The following EPB41L2 variants were observed in gnomAD, a reference collection of about 807,000 sequenced individuals.
EPB41L2 encodes band 4.1-like protein 2.
In EPB41L2, 43 loss-of-function variants were observed where a neutral mutation model predicts 113.0. That is an observed-to-expected ratio of 0.38 (90% CI 0.30 to 0.49). The LOEUF (loss-of-function observed/expected upper bound fraction) is 0.49. EPB41L2 is among the 20% of genes least tolerant of loss of function. The probability of loss-of-function intolerance (pLI) is 0.95; values close to 1 mark genes in which losing one functional copy is unlikely to be tolerated. For missense variants in EPB41L2, 1,147 were observed against 1,223.4 expected, an observed-to-expected ratio of 0.94 and a Z score of 0.93; for synonymous variants, 442 against 436.7, an observed-to-expected ratio of 1.01 and a Z score of -0.15.
intron 8 of EPB41L2, among the ~76,000 whole-genome samples, chr6:130,899,001 C>T (rs1795476636): frequency 6.6e-6 from 1 of 152,022 alleles, no homozygotes; most frequent in Non-Finnish European, 1.5e-5. Flanking sequence ...TTATCTTTCA[C>T]AAAGTACAAA....
chr6:130,984,630 C>T (rs562881484), intron 1 of EPB41L2, among the ~76,000 whole-genome samples: 1 of 152,300 alleles, frequency 6.6e-6, no homozygotes, highest in South Asian at 2.1e-4. Context: ...AAATGAAAAG[C>T]TTTCTCTATA....
intron 1 of EPB41L2, among the ~76,000 whole-genome samples, chr6:131,041,372 A>G (rs1451340998): frequency 6.6e-6 from 1 of 152,212 alleles, no homozygotes; most frequent in East Asian, 1.9e-4. Context: ...AAAAAAGCTT[A>G]ATGGGAAATC....
chr6:131,052,057 C>T (rs369037954), intron 1 of EPB41L2, among the ~76,000 whole-genome samples: 15 of 152,050 alleles, frequency 9.9e-5, no homozygotes, highest in African/African-American at 3.6e-4. Flanking sequence ...CTGCCTCAGC[C>T]TGCCAAGTAG....
Position 130,990,429 on chromosome 6 carries a change from T to C in EPB41L2, c.-14-33930A>G, listed in dbSNP as rs555258348. ...ACGAAGACTAGATGGGAGAAATACA[T>C]AACACATAGCAAGATGGTACTCAAA... is the stretch of plus-strand genomic sequence containing the variant. On this transcript the variant is annotated intron_variant, in intron 1 of 19. Coordinates refer to ENST00000337057, the MANE Select transcript of EPB41L2 (RefSeq NM_001431.4). 1.1e-4 allele frequency among the ~76,000 whole-genome samples: 17 copies of C among 152,126 alleles called. No homozygotes were observed. In the South Asian group the frequency reaches 2.9e-3, roughly 26 times the overall value.
chr6:130,863,503 T>C (rs1272102928), intron 18 of EPB41L2, 135 bp downstream of exon 18: 1 of 605,246 alleles, frequency 1.7e-6, no homozygotes, highest in Non-Finnish European at 2.9e-6. Flanking sequence ...TGTGTCTTTA[T>C]GTCCTGCTTA....
chr6:131,018,943 T>C (rs1788857836), intron 1 of EPB41L2, among the ~76,000 whole-genome samples: 2 of 152,208 alleles, frequency 1.3e-5, no homozygotes, highest in Non-Finnish European at 2.9e-5. Context: ...AGCCTTGATA[T>C]GTGGTAGGGA....
intron 1 of EPB41L2, among the ~76,000 whole-genome samples, chr6:130,998,370 TG>T (rs1239327405): frequency 6.6e-6 from 1 of 152,146 alleles, no homozygotes. Flanking sequence ...CTTAATGAAT[TG>T]GGGGTGTAGG....
intron 1 of EPB41L2, among the ~76,000 whole-genome samples, chr6:131,012,700 C>T (rs1232558496): frequency 6.6e-6 from 1 of 151,970 alleles, no homozygotes; most frequent in Non-Finnish European, 1.5e-5. Context: ...AAAGCAAAGT[C>T]TGCAGCATTT....
At chr6:131,040,878 GAATTA>G (rs1312235344) in intron 1 of EPB41L2, among the ~76,000 whole-genome samples, 4 of 152,104 alleles carry the variant, frequency 2.6e-5, no homozygotes, top group African/African-American at 9.7e-5. Flanking sequence ...TTAGACGAAT[GAATTA>G]AATACCCTCA....
chr6:131,022,111 AC>A (rs1176490198), intron 1 of EPB41L2, among the ~76,000 whole-genome samples: 2 of 152,144 alleles, frequency 1.3e-5, no homozygotes, highest in East Asian at 3.9e-4. Context: ...CAGTCCCATC[AC>A]GGGGGTGATG....
At chr6:130,983,160 A>G (rs996443277) in intron 1 of EPB41L2, among the ~76,000 whole-genome samples, 4 of 152,214 alleles carry the variant, frequency 2.6e-5, no homozygotes, top group African/African-American at 9.7e-5. Flanking sequence ...AGTTCTCAAA[A>G]AGATTTCATA....
chr6:130,978,767 A>G (rs1425493889), intron 1 of EPB41L2: 2 of 152,192 alleles, frequency 1.3e-5, no homozygotes, highest in Admixed American at 1.3e-4. Flanking sequence ...GCATTTAAAT[A>G]GCTAACTACA....
intron 14 of EPB41L2, among the ~76,000 whole-genome samples, chr6:130,872,194 C>T (rs1308856320): frequency 3.9e-5 from 6 of 152,008 alleles, no homozygotes; most frequent in African/African-American, 1.5e-4. Flanking sequence ...GGAGAAACAT[C>T]CAATCTATAT....
intron 13 of EPB41L2, 98 bp downstream of exon 13, chr6:130,880,046 G>A (rs1188662543): frequency 7.1e-6 from 6 of 840,646 alleles, no homozygotes; most frequent in Admixed American, 4.4e-5. Context: ...TGCATGCACC[G>A]TGCTTGAAGA....
chr6:130,908,197 C>T (rs1053027850), intron 5 of EPB41L2, among the ~76,000 whole-genome samples: 1 of 152,190 alleles, frequency 6.6e-6, no homozygotes, highest in African/African-American at 2.4e-5. Flanking sequence ...TAGAGTGGGA[C>T]TCTTGGAGTC....
intron 1 of EPB41L2, among the ~76,000 whole-genome samples, chr6:131,014,774 AT>A (rs1176003355): frequency 2.0e-5 from 3 of 152,226 alleles, no homozygotes; most frequent in South Asian, 2.1e-4. Flanking sequence ...TCAAGAGAAG[AT>A]AAAAGAGTAT....
intron 4 of EPB41L2, among the ~76,000 whole-genome samples, chr6:130,922,311 T>C (rs1803118830): frequency 6.6e-6 from 1 of 152,182 alleles, no homozygotes; most frequent in Non-Finnish European, 1.5e-5. Context: ...TACAATGTCC[T>C]TCAACACACT....
At chr6:130,923,858 C>G (rs1036432196) in intron 4 of EPB41L2, among the ~76,000 whole-genome samples, 2 of 152,104 alleles carry the variant, frequency 1.3e-5, no homozygotes, top group Admixed American at 1.3e-4. Flanking sequence ...ATAAAATTTG[C>G]CATTTTAACC....
chr6:131,048,318 T>C (rs1265748827), intron 1 of EPB41L2, among the ~76,000 whole-genome samples: 2 of 152,196 alleles, frequency 1.3e-5, no homozygotes, highest in Non-Finnish European at 2.9e-5. Flanking sequence ...GTTGGGGTTT[T>C]TGTTGTATTT....
Sources: allele counts gnomAD v4.1 joint callset (sites outside exome capture counted in the v4.1 genomes callset), GRCh38; gene constraint gnomAD v4.1.1; transcripts MANE v1.5; gene names NCBI Gene and HGNC (gene_info 2026-07-23, HGNC 2026-07-21).